THSD7B: variants seen among roughly 807,000 people sequenced by gnomAD.
The protein encoded by THSD7B is thrombospondin type-1 domain-containing protein 7B.
THSD7B carries 138 observed loss-of-function variants against 213.6 expected under a neutral mutation model. That is an observed-to-expected ratio of 0.65 (90% CI 0.56 to 0.74). The LOEUF is 0.74. Among genes scored for constraint, THSD7B ranks in the 30% least tolerant of loss-of-function variants. The probability of loss-of-function intolerance (pLI) is 0.00; values close to 1 mark genes in which losing one functional copy is unlikely to be tolerated. For missense variants in THSD7B, 1,931 were observed against 1,991.5 expected, an observed-to-expected ratio of 0.97 and a Z score of 0.58; for synonymous variants, 742 against 687.0, an observed-to-expected ratio of 1.08 and a Z score of -1.25.
intron 2 of THSD7B, among the ~76,000 whole-genome samples, chr2:136,920,434 G>C (rs1347838417): frequency 1.3e-5 from 2 of 152,164 alleles, no homozygotes; most frequent in Non-Finnish European, 2.9e-5. Flanking sequence ...CTGTAGGCAG[G>C]TCATCTCAAT....
At chr2:137,061,713 A>G (rs983689255) in intron 3 of THSD7B, among the ~76,000 whole-genome samples, 2 of 151,850 alleles carry the variant, frequency 1.3e-5, no homozygotes, top group African/African-American at 2.4e-5. Flanking sequence ...AATAAATCCC[A>G]CTTAGCTGCG....
chr2:137,234,391 T>C lies in THSD7B; in HGVS notation c.2150+1258T>C, dbSNP rs145830681. Among the ~76,000 whole-genome samples, 157 of 152,248 alleles carry C rather than the reference T, an allele frequency of 1.0e-3. 4 individuals are homozygous for C. The East Asian group carries it at 0.028, about 27-fold the overall frequency. ...ACTGTCATGGAAGCCACTTTGGCCA[T>C]GTGTAAGGAAAGTCACCCAAGCTCC... is the stretch of plus-strand genomic sequence containing the variant. On this transcript the variant is annotated intron_variant, in intron 9 of 27. Coordinates refer to ENST00000409968, the MANE Select transcript of THSD7B (RefSeq NM_001316349.2).
At chr2:136,983,117 T>A (rs568634) in intron 2 of THSD7B, among the ~76,000 whole-genome samples, 148,222 of 151,978 alleles carry the variant, frequency 0.98, 72,399 homozygotes, top group Middle Eastern at 1. Context: ...GTATCTCTCA[T>A]ACTGTGTAGA....
At chr2:136,996,192 ACT>A (rs1268166606) in intron 2 of THSD7B, among the ~76,000 whole-genome samples, 1 of 152,228 alleles carries the variant, frequency 6.6e-6, no homozygotes, top group Non-Finnish European at 1.5e-5. Context: ...GTCTGTGTGC[ACT>A]AAGCTAGCAG....
At chr2:137,289,441 C>A (rs1346577846) in intron 12 of THSD7B, among the ~76,000 whole-genome samples, 1 of 151,916 alleles carries the variant, frequency 6.6e-6, no homozygotes, top group Non-Finnish European at 1.5e-5. Context: ...GAAATACCAC[C>A]TAAGATCTTT....
Position 136,801,055 on chromosome 2 carries a change from C to T in THSD7B, c.-36+35368C>T, listed in dbSNP as rs567119633. On this transcript the variant is annotated intron_variant, in intron 1 of 27. Coordinates refer to ENST00000409968, the MANE Select transcript of THSD7B (RefSeq NM_001316349.2). The stretch of plus-strand genomic sequence containing the variant: ...TGTCCCTCTTTACCCACTGTGTGTA[C>T]GTCCATTGTAGGAATAGTCCTAAGT... 1.7e-4 allele frequency among the ~76,000 whole-genome samples: 26 copies of T among 151,928 alleles called. No homozygotes were observed. The South Asian group carries it at 5.0e-3, about 29-fold the overall frequency.
chr2:137,611,727 T>C (rs1682293119), intron 17 of THSD7B, among the ~76,000 whole-genome samples: 1 of 152,170 alleles, frequency 6.6e-6, no homozygotes, highest in South Asian at 2.1e-4. Flanking sequence ...CCAACACATA[T>C]AAAAAATTAG....
intron 2 of THSD7B, among the ~76,000 whole-genome samples, chr2:136,987,836 T>C (rs1685696562): frequency 1.3e-5 from 2 of 152,220 alleles, no homozygotes; most frequent in Admixed American, 1.3e-4. Flanking sequence ...GGAAATTTTC[T>C]CTTCTGGGAA....
chr2:137,252,099 C>G (rs929494776), intron 10 of THSD7B, among the ~76,000 whole-genome samples: 1 of 151,644 alleles, frequency 6.6e-6, no homozygotes, highest in African/African-American at 2.4e-5. Flanking sequence ...AACCCTGTCT[C>G]TACTGAAAAT....
chr2:137,394,656 G>A (rs1245247489), intron 12 of THSD7B, among the ~76,000 whole-genome samples: 1 of 138,034 alleles, frequency 7.2e-6, no homozygotes, highest in Admixed American at 7.1e-5. Flanking sequence ...CTCTTTTTTG[G>A]TTCCATATGA....
intron 2 of THSD7B, among the ~76,000 whole-genome samples, chr2:136,986,504 G>A (rs1685674954): frequency 6.6e-6 from 1 of 152,178 alleles, no homozygotes; most frequent in Non-Finnish European, 1.5e-5. Context: ...AGCCATGCTT[G>A]TACAGCCTGC....
intron 20 of THSD7B, among the ~76,000 whole-genome samples, chr2:137,632,154 C>T (rs184994803): frequency 1.6e-4 from 25 of 152,172 alleles, no homozygotes; most frequent in Admixed American, 1.6e-3. Context: ...CTCTGTATCA[C>T]CTATTGTGTA....
intron 15 of THSD7B, chr2:137,479,468 C>T (rs1584435): frequency 0.71 from 286,279 of 402,694 alleles, 105,409 homozygotes; most frequent in Non-Finnish European, 0.8. Context: ...CTTCAGGTCC[C>T]TGTCAGAATG....
At chr2:137,318,553 C>G (rs1684183896) in intron 12 of THSD7B, among the ~76,000 whole-genome samples, 1 of 151,960 alleles carries the variant, frequency 6.6e-6, no homozygotes, top group African/African-American at 2.4e-5. Flanking sequence ...AAGCAGGGCA[C>G]TGAAACAGAG....
At chr2:137,246,289 T>C (rs967210388) in intron 10 of THSD7B, among the ~76,000 whole-genome samples, 11 of 152,170 alleles carry the variant, frequency 7.2e-5, no homozygotes, top group Admixed American at 7.2e-4. Flanking sequence ...ATGTCTGTGG[T>C]CTTCAAAGTT....
At chr2:137,420,324 CTTTAA>C (rs1686897790) in intron 14 of THSD7B, among the ~76,000 whole-genome samples, 1 of 152,052 alleles carries the variant, frequency 6.6e-6, no homozygotes, top group Non-Finnish European at 1.5e-5. Context: ...CCTGCTGTGA[CTTTAA>C]TTTAATTTAA....
chr2:137,656,932 C>CT lies in THSD7B; in HGVS notation c.4243dup (p.Cys1415LeufsTer29). 1 of 1,614,036 alleles carries CT rather than the reference C, an allele frequency of 6.2e-7. No homozygotes were observed. Among genetic ancestry groups the CT allele is most frequent in the Non-Finnish European group, 8.5e-7 (1 of 1,179,878 alleles). ...TTCAGTCTTTTGAGAACCAAGACAG[C>CT]TGCCCCCAACAGGTTCTAGAAACAC... is the stretch of plus-strand genomic sequence containing the variant. On this transcript the variant is annotated frameshift_variant, in exon 23 of 28. Coordinates refer to ENST00000409968, the MANE Select transcript of THSD7B (RefSeq NM_001316349.2). LOFTEE classifies it high-confidence loss of function.
chr2:137,390,066 C>T (rs1341257376), intron 12 of THSD7B, among the ~76,000 whole-genome samples: 1 of 152,110 alleles, frequency 6.6e-6, no homozygotes, highest in South Asian at 2.1e-4. Flanking sequence ...TTAGGATTAC[C>T]CTTTCTATTT....
intron 12 of THSD7B, among the ~76,000 whole-genome samples, chr2:137,339,776 C>T (rs1292977685): frequency 1.3e-5 from 2 of 151,470 alleles, no homozygotes; most frequent in Admixed American, 6.6e-5. Context: ...ACATGTCTTT[C>T]CCATTTCTGC....
Sources: gnomAD v4.1 joint callset for allele counts (sites outside exome capture counted in the v4.1 genomes callset) on GRCh38, gnomAD v4.1.1 for gene constraint, MANE v1.5 for transcripts, NCBI Gene and HGNC (gene_info 2026-07-23, HGNC 2026-07-21) for gene names.